The following ZSWIM8 variants were observed in gnomAD, a reference collection of about 807,000 sequenced individuals.
ZSWIM8 encodes zinc finger SWIM-type containing 8, also known as zinc finger SWIM domain-containing protein 8.
ZSWIM8 carries 27 observed loss-of-function variants against 173.7 expected under a neutral mutation model. That is an observed-to-expected ratio of 0.16 (90% CI 0.11 to 0.21). The LOEUF (loss-of-function observed/expected upper bound fraction) is 0.21, where lower values mean the gene tolerates loss of function less well. ZSWIM8 is among the 10% of genes least tolerant of loss of function. The probability of loss-of-function intolerance (pLI) is 1.00; values close to 1 mark genes in which losing one functional copy is unlikely to be tolerated. For synonymous variants in ZSWIM8, 958 were observed against 962.0 expected (o/e 1.00, Z 0.08); for missense variants, 1,627 against 2,428.8 (o/e 0.67, Z 6.94).
chr10:73,792,590 C>T lies in ZSWIM8; in HGVS notation c.2051C>T (p.Ala684Val), dbSNP rs766516316. The change falls in exon 10 of 26, where the codon GCC becomes GTC. Residue 684 changes from alanine to valine, a missense_variant. Physicochemically the swap from Ala to Val is moderately conservative, Grantham distance 64. This residue lies in a region of ZSWIM8 where 383 missense variants were observed against 394.8 expected (regional missense o/e 0.97). Coordinates refer to ENST00000604729, the MANE Select transcript of ZSWIM8 (RefSeq NM_001367799.1). The surrounding 1 kb of genome is among the most constrained non-coding windows in gnomAD (Gnocchi z 4.3). The part of the protein sequence containing the change: ...YFSEGPEPPT[A>V]SVGPPGLLPG... Reference sequence around the variant, plus strand: ...TCGGAAGGGCCTGAGCCTCCCACAGCCTCTGTTGGCCCCCCTGGCCTACTG... The same window carrying T: ...TCGGAAGGGCCTGAGCCTCCCACAGTCTCTGTTGGCCCCCCTGGCCTACTG... 3.8e-5 allele frequency: 62 copies of T among 1,613,916 alleles called. No homozygotes were observed. Among genetic ancestry groups the T allele is most frequent in the Non-Finnish European group, 4.7e-5 (56 of 1,179,900 alleles).
chr10:73,792,903 A>T lies in ZSWIM8; in HGVS notation c.2313+51A>T. ...TGGGTGCTCCTTAGCCACAACTGGG[A>T]GGGGCTATCTAGCTCTAGTTGGGAG... On this transcript the variant is annotated intron_variant, in intron 10 of 25. Coordinates refer to ENST00000604729, the MANE Select transcript of ZSWIM8 (RefSeq NM_001367799.1). The surrounding 1 kb of genome is among the most constrained non-coding windows in gnomAD (Gnocchi z 4.3). The T allele has an allele frequency of 6.6e-7, 1 of 1,505,826 alleles. No individual in the cohort carries two copies. Among genetic ancestry groups the T allele is most frequent in the Non-Finnish European group, 8.8e-7 (1 of 1,133,274 alleles). 93.3% of individuals were successfully genotyped at this position (1,505,826 alleles called of 1,614,324 possible). A position where few individuals can be genotyped will look rare whatever the true frequency, so the allele number is the denominator to read the frequency against.
Position 73,796,796 on chromosome 10 carries a change from G to A in ZSWIM8, c.3056G>A (p.Arg1019Gln), listed in dbSNP as rs1429883534. Residue 1019 changes from arginine to glutamine, a missense_variant, in exon 16 of 26, where the codon CGA becomes CAA. This residue lies in a region of ZSWIM8 where 163 missense variants were observed against 193.2 expected (regional missense o/e 0.84). Coordinates refer to ENST00000604729, the MANE Select transcript of ZSWIM8 (RefSeq NM_001367799.1). ...CAGATCTTAGACAAACTCTTGGACC[G>A]AGAGAGCCAGACACATAAGCCACAG... ...LKKILDKLLDRESQTHKPQTL... is the reference protein window; with the variant it reads ...LKKILDKLLDQESQTHKPQTL... The A allele has an allele frequency of 3.1e-6, 5 of 1,613,606 alleles. No individual in the cohort carries two copies. The highest frequency in any genetic ancestry group is 4.5e-5 in the East Asian group (2 of 44,902).
Position 73,797,250 on chromosome 10 carries a change from C to T in ZSWIM8, c.3412C>T (p.Arg1138Trp), listed in dbSNP as rs562610977. Residue 1138 changes from arginine (R) to tryptophan (W), a missense_variant, in exon 17 of 26, where the codon CGG becomes TGG. Arg to Trp is a moderately radical substitution (Grantham distance 101). Coordinates refer to ENST00000604729, the MANE Select transcript of ZSWIM8 (RefSeq NM_001367799.1). This position sits in a 1 kb window ranked among gnomAD's most constrained non-coding sequence, Gnocchi z 5.6. ...YNGRGWGSPG[R>W]PKKKHTGMAS... ...TGGACGGGGATGGGGGTCCCCAGGA[C>T]GGCCTAAGAAGAAGCACACAGGTAG... 1.5e-5 allele frequency: 24 copies of T among 1,613,932 alleles called. No homozygotes were observed. Among genetic ancestry groups the T allele is most frequent in the African/African-American group, 5.3e-5 (4 of 75,034 alleles).
At position 73,792,534 on chromosome 10, in the gene ZSWIM8, T is replaced by C. The variant is rs2083455007; in HGVS notation, c.1995T>C (p.Asp665=). The stretch of plus-strand genomic sequence containing the variant: ...CCACTTTCCTTCCTGAGCCCCCAGA[T>C]ACTTATGAAGAAGATGGTGGTGTGT... The part of the protein sequence containing the change: ...GPSTFLPEPP[D]TYEEDGGVYF... Residue 665 remains aspartate, a synonymous_variant, in exon 10 of 26, where the codon GAT becomes GAC. Coordinates refer to ENST00000604729, the MANE Select transcript of ZSWIM8 (RefSeq NM_001367799.1). This position sits in a 1 kb window ranked among gnomAD's most constrained non-coding sequence, Gnocchi z 4.3. 6.2e-7 allele frequency: 1 copy of C among 1,613,866 alleles called. No homozygotes were observed. The highest frequency in any genetic ancestry group is 8.5e-7 in the Non-Finnish European group (1 of 1,179,874).
chr10:73,789,582 TC>T lies in ZSWIM8; in HGVS notation c.630+50del, dbSNP rs753398957. ...TATCCCGGCCCTATCCTACACTCCA[TC>T]CCCCCCTTCTCTGCTGCATGCCTGG... is the stretch of plus-strand genomic sequence containing the variant. On this transcript the variant is annotated intron_variant, in intron 4 of 25. Coordinates refer to ENST00000604729, the MANE Select transcript of ZSWIM8 (RefSeq NM_001367799.1). The surrounding 1 kb of genome is among the most constrained non-coding windows in gnomAD (Gnocchi z 6.8). 1.6e-5 allele frequency: 25 copies of T among 1,590,098 alleles called. No individual in the cohort carries two copies. The highest frequency in any genetic ancestry group is 3.5e-5 in the Admixed American group (2 of 57,892).
At position 73,793,856 on chromosome 10, in the gene ZSWIM8, C is replaced by T. The variant is rs1291370412; in HGVS notation, c.2446-9C>T. On this transcript the variant is annotated splice_polypyrimidine_tract_variant and intron_variant, in intron 11 of 25. Transcript: ENST00000604729. Reference sequence around the variant, plus strand: ...ATCTGCCTGTCTCCTGTGTTTCTTCCCTTTCTAGGGCAAGAAGAACAAGGT... The same window carrying T: ...ATCTGCCTGTCTCCTGTGTTTCTTCTCTTTCTAGGGCAAGAAGAACAAGGT... The T allele has an allele frequency of 3.7e-6, 6 of 1,600,066 alleles. No homozygotes were observed. The highest frequency in any genetic ancestry group is 4.3e-6 in the Non-Finnish European group (5 of 1,174,886).
chr10:73,798,987 G>T lies in ZSWIM8; in HGVS notation c.4177-15G>T. 6.3e-7 allele frequency: 1 copy of T among 1,596,582 alleles called. No individual in the cohort carries two copies. Among genetic ancestry groups the T allele is most frequent in the East Asian group, 2.2e-5 (1 of 44,728 alleles). On this transcript the variant is annotated splice_polypyrimidine_tract_variant and intron_variant, in intron 20 of 25. Transcript: ENST00000604729. ...AGGCCTTTCCCCCTTAACACTCTGT[G>T]CCCCTCTCTTCCAGGACAACCTGAT...
Position 73,792,336 on chromosome 10 carries a change from A to T in ZSWIM8, c.1797A>T (p.Ala599=). 1.2e-6 allele frequency: 2 copies of T among 1,612,794 alleles called. No individual in the cohort carries two copies. The highest frequency in any genetic ancestry group is 1.7e-6 in the Non-Finnish European group (2 of 1,179,470). ...GGAGSGSKGS[A]GGGSKRRLSS... ...CTGGCAGTGGGAGCAAGGGCTCAGC[A>T]GGTGGCGGAAGCAAGCGACGGCTGA... is the stretch of plus-strand genomic sequence containing the variant. Residue 599 remains alanine (A), a synonymous_variant, in exon 10 of 26, where the codon GCA becomes GCT. Coordinates refer to ENST00000604729, the MANE Select transcript of ZSWIM8 (RefSeq NM_001367799.1). This position sits in a 1 kb window ranked among gnomAD's most constrained non-coding sequence, Gnocchi z 4.3.
chr10:73,799,910 C>CTATA (rs1254532972), intron 21 of ZSWIM8, 101 bp from the exon 22 acceptor site: 1 of 1,299,720 alleles, frequency 7.7e-7, no homozygotes, highest in Admixed American at 1.9e-5. Context: ...GAGACTCTAT[C>CTATA]TCAAAAAAAA....
chr10:73,793,295 TCTC>T (rs1381777323), intron 10 of ZSWIM8, among the ~76,000 whole-genome samples: 3 of 152,302 alleles, frequency 2.0e-5, no homozygotes, highest in African/African-American at 7.2e-5. Flanking sequence ...AGCCCGTGTT[TCTC>T]CTTCAGGTCT....
Position 73,786,101 on chromosome 10 carries a change from G to A in ZSWIM8, c.208+15G>A. ...CAGAATGCGAGGTGAGAGTGAGCTG[G>A]GGGGAAGAGGAGCGGCAGGCCCTGC... is the stretch of plus-strand genomic sequence containing the variant. On this transcript the variant is annotated intron_variant, in intron 1 of 25. Transcript: ENST00000604729. 2.6e-6 allele frequency: 4 copies of A among 1,538,366 alleles called. No individual in the cohort carries two copies. The highest frequency in any genetic ancestry group is 2.6e-6 in the Non-Finnish European group (3 of 1,137,592).
rs112950086 is a variant in ZSWIM8, at chr10:73,795,706, C to G, written c.3033+43C>G. On this transcript the variant is annotated intron_variant, in intron 15 of 25. Transcript: ENST00000604729. ...GGTGCGGTGGCTCATGCCTGTAATC[C>G]CAGCAGTTTGGGAGGCAGAGGCGGG... 4.4e-6 allele frequency: 7 copies of G among 1,584,496 alleles called. No homozygotes were observed. The African/African-American group carries it at 6.8e-5, about 15-fold the overall frequency.
rs118026121 is a variant in ZSWIM8 at position 73,798,054 on chromosome 10, C to T, written c.3936C>T (p.His1312=). Residue 1312 remains histidine (H), a synonymous_variant, in exon 19 of 26, where the codon CAC becomes CAT. Transcript: ENST00000604729. ...PNWLSRTYSS[H]VSWITGQAME... ...GGCTCTCACGTACTTATTCTTCCCA[C>T]GTTTCCTGGATTACAGGTAAATCAT... is the stretch of plus-strand genomic sequence containing the variant. 219 of 1,613,484 alleles carry T rather than the reference C, an allele frequency of 1.4e-4. No individual in the cohort carries two copies. In the East Asian group the frequency reaches 4.0e-3, roughly 29 times the overall value.
chr10:73,794,598 G>C lies in ZSWIM8; in HGVS notation c.2867G>C (p.Gly956Ala), dbSNP rs1231823297. The change falls in exon 14 of 26, where the codon GGG becomes GCG. Residue 956 changes from glycine to alanine, a missense_variant. Physicochemically the swap from Gly to Ala is moderately conservative, Grantham distance 60. This residue lies in a region of ZSWIM8 where 169 missense variants were observed against 235.3 expected (regional missense o/e 0.72). Transcript: ENST00000604729. ...CGCAACTGGAACAGCGAGACACCTG[G>C]GGATGAGGAGCTTGGATTTGAAGCA... ...PSRNWNSETP[G>A]DEELGFEAAV... 6.4e-7 allele frequency: 1 copy of C among 1,557,456 alleles called. No individual in the cohort carries two copies.
chr10:73,786,633 G>A (rs1283715040), intron 1 of ZSWIM8: 1 of 152,492 alleles, frequency 6.6e-6, no homozygotes, highest in Non-Finnish European at 1.5e-5. Flanking sequence ...GCACCAAGAA[G>A]GGATCCTACC....
Position 73,792,008 on chromosome 10 carries a change from A to T in ZSWIM8, c.1469A>T (p.Tyr490Phe), listed in dbSNP as rs189937915. 6.4e-7 allele frequency: 1 copy of T among 1,550,778 alleles called. No individual in the cohort carries two copies. The highest frequency in any genetic ancestry group is 2.4e-5 in the East Asian group (1 of 40,898). The change falls in exon 10 of 26, where the codon TAC (tyrosine) becomes TTC (phenylalanine). Residue 490 changes from tyrosine (Y) to phenylalanine (F), a missense_variant. Tyr to Phe is a conservative substitution (Grantham distance 22). Coordinates refer to ENST00000604729, the MANE Select transcript of ZSWIM8 (RefSeq NM_001367799.1). This position sits in a 1 kb window ranked among gnomAD's most constrained non-coding sequence, Gnocchi z 4.3. ...TGCTACTTCAACTGGGAAGAGGCCT[A>T]CCCACTTCCTGGTGTCACCTACAGC... is the stretch of plus-strand genomic sequence containing the variant. ...EACYFNWEEA[Y>F]PLPGVTYSGT...
rs968125151 is a variant in ZSWIM8, at chr10:73,785,857, G to C, written c.-22G>C. ...GCCCCGGATCCGCGGGGGGGGACCC[G>C]GCCCCGGGGGGTGCGGGCCCCATGG... is the stretch of plus-strand genomic sequence containing the variant. On this transcript the variant is annotated 5_prime_UTR_variant, in exon 1 of 26. Transcript: ENST00000604729. The C allele has an allele frequency of 4.1e-6, 6 of 1,475,488 alleles. No individual in the cohort carries two copies. The highest frequency in any genetic ancestry group is 4.5e-6 in the Non-Finnish European group (5 of 1,109,702). 91.4% of individuals were successfully genotyped at this position (1,475,488 alleles called of 1,614,324 possible).
intron 1 of ZSWIM8, among the ~76,000 whole-genome samples, chr10:73,788,423 A>G (rs939060014): frequency 3.2e-4 from 49 of 152,142 alleles, no homozygotes; most frequent in African/African-American, 1.1e-3. Flanking sequence ...TATCTCTGGT[A>G]TCTTCTGTTC....
chr10:73,790,064 T>C lies in ZSWIM8; in HGVS notation c.820+27T>C, dbSNP rs1203640078. The C allele has an allele frequency of 1.9e-6, 3 of 1,609,758 alleles. 1 individual carries two copies. Among genetic ancestry groups the C allele is most frequent in the East Asian group, 2.2e-5 (1 of 44,748 alleles). On this transcript the variant is annotated intron_variant, in intron 6 of 25. Transcript: ENST00000604729. ...TGAGTGTGGTGAGAAAGATTGGCAG[T>C]AGGAAGAAAGCCAGCTTGTAGTACA...
Sources: allele counts gnomAD v4.1 joint callset (sites outside exome capture counted in the v4.1 genomes callset), GRCh38; gene constraint gnomAD v4.1.1; regional missense constraint gnomAD v4.1.1; non-coding constraint Gnocchi (gnomAD v3.1); transcripts MANE v1.5; gene names NCBI Gene and HGNC (gene_info 2026-07-23, HGNC 2026-07-21).